Variants in PTPRN2 observed in about 807,000 individuals in gnomAD.
PTPRN2 encodes the protein protein tyrosine phosphatase receptor type N2, also known as receptor-type tyrosine-protein phosphatase N2.
In PTPRN2, 74 loss-of-function variants were observed where a neutral mutation model predicts 118.8. The ratio of observed to expected loss-of-function variants is 0.62; its 90% CI spans 0.52 to 0.76. PTPRN2 has a LOEUF of 0.76. PTPRN2 is among the 30% of genes least tolerant of loss of function. PTPRN2 has a pLI of 0.00. For missense variants in PTPRN2, 1,481 were observed against 1,394.4 expected (o/e 1.06, Z -0.99); for synonymous variants, 641 against 608.0 (o/e 1.05, Z -0.80).
At chr7:158,531,726 G>A (rs1260397992) in intron 1 of PTPRN2, among the ~76,000 whole-genome samples, 1 of 152,238 alleles carries the variant, frequency 6.6e-6, no homozygotes, top group African/African-American at 2.4e-5. Flanking sequence ...TAAGAAATCT[G>A]TATCACATAA....
At chr7:157,916,810 CCCACCATG>C (rs1798426567) in intron 11 of PTPRN2, among the ~76,000 whole-genome samples, 1 of 145,526 alleles carries the variant, frequency 6.9e-6, no homozygotes, top group African/African-American at 2.6e-5. Context: ...GCTGAAGGTC[CCCACCATG>C]GCAGGGGCTG....
At position 157,785,749 on chromosome 7, in the gene PTPRN2, C is replaced by A. The variant is rs984637861; in HGVS notation, c.1789-102812G>T. Among the ~76,000 whole-genome samples, 3 of 152,152 alleles carry A rather than the reference C, an allele frequency of 2.0e-5. No homozygotes were observed. The highest frequency in any genetic ancestry group is 4.4e-5 in the Non-Finnish European group (3 of 68,014). ...GCATGGCGGGAGGGGAGAAGAATCG[C>A]GATCCTTTCCAGGTACACAGTCTAG... On this transcript the variant is annotated intron_variant, in intron 12 of 22. Coordinates refer to ENST00000389418, the MANE Select transcript of PTPRN2 (RefSeq NM_002847.5). This position sits in a 1 kb window ranked among gnomAD's most constrained non-coding sequence, Gnocchi z 7.3.
chr7:158,016,867 A>G (rs1281060522), intron 11 of PTPRN2, among the ~76,000 whole-genome samples: 1 of 152,214 alleles, frequency 6.6e-6, no homozygotes, highest in Non-Finnish European at 1.5e-5. Flanking sequence ...TTTCAGAGAC[A>G]TAGCTACAAG....
intron 12 of PTPRN2, among the ~76,000 whole-genome samples, chr7:157,762,510 C>T (rs1415653980): frequency 4.7e-5 from 7 of 148,060 alleles, no homozygotes; most frequent in East Asian, 2.0e-4. Context: ...AACCGAACAC[C>T]GCATATTCTC....
At chr7:158,226,688 TTTTCC>T (rs758969040) in intron 3 of PTPRN2, among the ~76,000 whole-genome samples, 4 of 87,008 alleles carry the variant, frequency 4.6e-5, no homozygotes, top group Non-Finnish European at 5.1e-5. Context: ...TTTTTTTTTT[TTTTCC>T]GGTGGTATCC....
At chr7:158,504,565 G>A (rs1260067058) in intron 1 of PTPRN2, among the ~76,000 whole-genome samples, 1 of 152,218 alleles carries the variant, frequency 6.6e-6, no homozygotes, top group Non-Finnish European at 1.5e-5. Context: ...TCCATGGTGT[G>A]TACGTATGTA....
chr7:157,673,004 C>A (rs1271220004), intron 13 of PTPRN2, among the ~76,000 whole-genome samples: 1 of 152,188 alleles, frequency 6.6e-6, no homozygotes, highest in East Asian at 1.9e-4. Context: ...TCACACCTGC[C>A]ACCTTTCTAG....
chr7:158,133,783 CCTCCTT>C lies in PTPRN2; in HGVS notation c.1444_1449del (p.Lys482_Glu483del). 6.2e-7 allele frequency: 1 copy of C among 1,614,018 alleles called. No homozygotes were observed. The highest frequency in any genetic ancestry group is 8.5e-7 in the Non-Finnish European group (1 of 1,180,036). ...TGAGCACCCGCTGGAAGGCTCTGCT[CCTCCTT>C]CGAGGGCCCAGGCATCTGGTTTTGG... On this transcript the variant is annotated inframe_deletion, in exon 9 of 23. Transcript: ENST00000389418.
chr7:158,155,736 T>G (rs796898941), intron 6 of PTPRN2, among the ~76,000 whole-genome samples: 1 of 25,632 alleles, frequency 3.9e-5, no homozygotes, highest in South Asian at 1.2e-3. Context: ...ATCACCATCA[T>G]CACCATCATC....
At chr7:157,931,328 G>A (rs1241252057) in intron 11 of PTPRN2, among the ~76,000 whole-genome samples, 1 of 152,236 alleles carries the variant, frequency 6.6e-6, no homozygotes, top group Non-Finnish European at 1.5e-5. Context: ...CTTGGGGTAG[G>A]GGTGAGGGCC....
chr7:158,299,332 C>G (rs992063115), intron 3 of PTPRN2, among the ~76,000 whole-genome samples: 3 of 149,216 alleles, frequency 2.0e-5, no homozygotes, highest in Non-Finnish European at 4.4e-5. Context: ...GAGTCTCACT[C>G]TGTTGCCCAG....
rs573103185 is a variant in PTPRN2 at position 157,779,056 on chromosome 7, C to T, written c.1789-96119G>A. Among the ~76,000 whole-genome samples the T allele has an allele frequency of 7.9e-5, 12 of 152,332 alleles. No homozygotes were observed. The South Asian group carries it at 2.1e-3, about 26-fold the overall frequency. ...GGCCGTGTTCTCTGAGGGGTTGTGC[C>T]GGGGTCTTCAGACAGTGCCCTCCCT... is the stretch of plus-strand genomic sequence containing the variant. On this transcript the variant is annotated intron_variant, in intron 12 of 22. Coordinates refer to ENST00000389418, the MANE Select transcript of PTPRN2 (RefSeq NM_002847.5). The surrounding 1 kb of genome is among the most constrained non-coding windows in gnomAD (Gnocchi z 4.7).
At chr7:158,576,642 C>G (rs1177317616) in intron 1 of PTPRN2, among the ~76,000 whole-genome samples, 2 of 152,224 alleles carry the variant, frequency 1.3e-5, no homozygotes, top group African/African-American at 4.8e-5. Flanking sequence ...TGGCTGACAG[C>G]CAGTGGTCAA....
intron 12 of PTPRN2, among the ~76,000 whole-genome samples, chr7:157,706,282 C>T (rs936225284): frequency 1.3e-5 from 2 of 150,906 alleles, no homozygotes; most frequent in African/African-American, 5.0e-5. Context: ...GTGAATCTGA[C>T]GCAGTGCTGT....
Position 157,640,729 on chromosome 7 carries a change from C to T in PTPRN2, c.2196+15628G>A, listed in dbSNP as rs78122744. ...GAACCACCATCCGACCAGCAACAGA[C>T]AGTCTTCTCAAGTGCAGGGGCACCA... On this transcript the variant is annotated intron_variant, in intron 14 of 22. Transcript: ENST00000389418. 4.8e-3 allele frequency among the ~76,000 whole-genome samples: 727 copies of T among 152,264 alleles called. 4 individuals carry two copies. The highest frequency in any genetic ancestry group is 0.016 in the African/African-American group (671 of 41,542).
In PTPRN2 at chr7:158,419,472, C is replaced by T. The variant is rs555854976; in HGVS notation, c.163+70263G>A. ...ACTGAGGAAGTCTCAGTCAAGTGCA[C>T]GGGGCCTCGGGACTCTCGGAGGTGC... On this transcript the variant is annotated intron_variant, in intron 2 of 22. Coordinates refer to ENST00000389418, the MANE Select transcript of PTPRN2 (RefSeq NM_002847.5). 4.0e-4 allele frequency among the ~76,000 whole-genome samples: 36 copies of T among 90,528 alleles called. No individual in the cohort carries two copies. In the South Asian group the frequency reaches 6.1e-3, roughly 15 times the overall value. The allele number at this position is 90,528 out of a possible 152,430, so 59.4% of individuals were successfully genotyped here.
intron 2 of PTPRN2, among the ~76,000 whole-genome samples, chr7:158,329,781 C>T (rs978113803): frequency 1.3e-5 from 2 of 152,122 alleles, no homozygotes; most frequent in Non-Finnish European, 2.9e-5. Flanking sequence ...GGAGTCGCAA[C>T]CCAAGATCTG....
intron 11 of PTPRN2, among the ~76,000 whole-genome samples, chr7:157,985,488 G>A (rs1803712468): frequency 6.6e-6 from 1 of 152,200 alleles, no homozygotes; most frequent in Admixed American, 6.5e-5. Context: ...GTTGTCATTA[G>A]ACATATCACA....
chr7:158,164,361 A>T (rs62480765), intron 6 of PTPRN2, among the ~76,000 whole-genome samples: 4,482 of 30,822 alleles, frequency 0.15, 437 homozygotes, highest in East Asian at 0.31. Context: ...TAAGAAGGGC[A>T]CGCAGAGCAG....
Sources: gnomAD v4.1 joint callset for allele counts (sites outside exome capture counted in the v4.1 genomes callset) on GRCh38, gnomAD v4.1.1 for gene constraint, Gnocchi (gnomAD v3.1) non-coding constraint, MANE v1.5 for transcripts, NCBI Gene and HGNC (gene_info 2026-07-23, HGNC 2026-07-21) for gene names.